The following BRSK2 variants were observed in gnomAD, a reference collection of about 807,000 sequenced individuals.
The protein encoded by BRSK2 is serine/threonine-protein kinase BRSK2.
In BRSK2, 19 loss-of-function variants were observed where a neutral mutation model predicts 83.3. That is an observed-to-expected ratio of 0.23 (90% CI 0.16 to 0.33). The LOEUF (loss-of-function observed/expected upper bound fraction) is 0.33. Among genes scored for constraint, BRSK2 ranks in the 10% least tolerant of loss-of-function variants. BRSK2 has a pLI of 1.00. For synonymous variants in BRSK2, 519 were observed against 435.4 expected, an observed-to-expected ratio of 1.19 and a Z score of -2.39; for missense variants, 798 against 1,042.3, an observed-to-expected ratio of 0.77 and a Z score of 3.23.
At chr11:1,460,389 ATTTGTTTG>A in intron 19 of BRSK2, 103 bp from the exon 20 acceptor site, 1 of 943,708 alleles carries the variant, frequency 1.1e-6, no homozygotes, top group Non-Finnish European at 1.4e-6. Flanking sequence ...CTCTTCGTTC[ATTTGTTTG>A]TTTGTTCTCT....
At chr11:1,419,094 CTG>C (rs920031038) in intron 1 of BRSK2, among the ~76,000 whole-genome samples, 5 of 151,088 alleles carry the variant, frequency 3.3e-5, no homozygotes, top group African/African-American at 1.2e-4. Flanking sequence ...CTTTGCTCAG[CTG>C]TGTTTGTGGG....
In BRSK2 at chr11:1,390,971, A is replaced by G. The variant is rs1845690753; in HGVS notation, c.91+596A>G. ...CGGAGCGTCTGTGACCTGCATTCCC[A>G]CGGGGCAGGGAGAGGCCATTGGTGC... On this transcript the variant is annotated intron_variant, in intron 1 of 19. Transcript: ENST00000528841. The surrounding 1 kb of genome is among the most constrained non-coding windows in gnomAD (Gnocchi z 6.8). Among the ~76,000 whole-genome samples the G allele has an allele frequency of 6.6e-6, 1 of 151,926 alleles. No homozygotes were observed. The highest frequency in any genetic ancestry group is 2.4e-5 in the African/African-American group (1 of 41,368).
intron 19 of BRSK2, 25 bp from the exon 20 acceptor site, chr11:1,460,475 T>C: frequency 7.6e-7 from 1 of 1,307,332 alleles, no homozygotes; most frequent in Non-Finnish European, 9.7e-7. Flanking sequence ...TTTTTTTTTT[T>C]TTTGTCTCTG....
chr11:1,460,615 C>T lies in BRSK2; in HGVS notation c.2103C>T (p.Leu701=), dbSNP rs757747779. The change falls in exon 20 of 20, where the codon CTC becomes CTT. Residue 701 remains leucine (L), a synonymous_variant. Transcript: ENST00000528841. ...CCAAGCGGAGTGCCCACGGCCCACT[C>T]GGTGACTCCGCGGCCGCTGGCCCTG... ...TPAKRSAHGP[L]GDSAAAGPGP... is the part of the protein sequence containing the mutation. 3.9e-5 allele frequency: 60 copies of T among 1,531,522 alleles called. No individual in the cohort carries two copies. Among genetic ancestry groups the T allele is most frequent in the East Asian group, 2.0e-4 (8 of 40,722 alleles). The allele number at this position is 1,531,522 out of a possible 1,614,324, so 94.9% of individuals were successfully genotyped here. A position where few individuals can be genotyped will look rare whatever the true frequency, so the allele number is the denominator to read the frequency against.
intron 1 of BRSK2, among the ~76,000 whole-genome samples, chr11:1,404,848 G>C (rs2334648): frequency 0.15 from 22,907 of 152,192 alleles, 2,267 homozygotes; most frequent in Non-Finnish European, 0.2. Context: ...GGCTCGCCGG[G>C]CTGGGGGCAG....
At chr11:1,445,128 G>A in intron 9 of BRSK2, 126 bp downstream of exon 9, 1 of 1,490,756 alleles carries the variant, frequency 6.7e-7, no homozygotes, top group Non-Finnish European at 9.3e-7. Flanking sequence ...GCCCTCCGTG[G>A]CCTGCGCTGG....
At chr11:1,450,037 G>C (rs1305230120) in intron 13 of BRSK2, among the ~76,000 whole-genome samples, 4 of 152,116 alleles carry the variant, frequency 2.6e-5, no homozygotes, top group Non-Finnish European at 4.4e-5. Flanking sequence ...TGTTTTGTTT[G>C]TTTTCTTGTG....
intron 1 of BRSK2, among the ~76,000 whole-genome samples, chr11:1,418,170 T>G (rs1437442784): frequency 2.0e-4 from 30 of 148,422 alleles, no homozygotes; most frequent in Admixed American, 1.9e-3. Flanking sequence ...TGTTGGCTGT[T>G]TCTTCTCTTG....
intron 1 of BRSK2, among the ~76,000 whole-genome samples, chr11:1,398,303 T>C (rs1425861249): frequency 6.6e-6 from 1 of 152,152 alleles, no homozygotes; most frequent in East Asian, 1.9e-4. Context: ...AGCTGCTGCC[T>C]GAGCTGCCTG....
intron 12 of BRSK2, 139 bp downstream of exon 12, chr11:1,446,046 A>T: frequency 2.1e-6 from 2 of 939,796 alleles, no homozygotes; most frequent in Non-Finnish European, 2.9e-6. Context: ...AACTGGGCTT[A>T]GCTGGGCTGG....
chr11:1,396,609 G>A (rs990366771), intron 1 of BRSK2, among the ~76,000 whole-genome samples: 3 of 152,236 alleles, frequency 2.0e-5, no homozygotes, highest in African/African-American at 7.2e-5. Context: ...CGTCGGGAAG[G>A]CCCCTTTGCC....
At chr11:1,403,507 C>T (rs917688833) in intron 1 of BRSK2, among the ~76,000 whole-genome samples, 5 of 152,230 alleles carry the variant, frequency 3.3e-5, no homozygotes, top group African/African-American at 1.2e-4. Context: ...GCCACGAAAC[C>T]CGCAGGCTCA....
chr11:1,459,656 AG>A (rs1297971779), intron 19 of BRSK2, among the ~76,000 whole-genome samples: 1 of 152,166 alleles, frequency 6.6e-6, no homozygotes, highest in Non-Finnish European at 1.5e-5. Context: ...GGTTAGGCTT[AG>A]GAAGTGGGAT....
Position 1,407,448 on chromosome 11 carries a change from C to T in BRSK2, c.91+17073C>T, listed in dbSNP as rs948429612. The stretch of plus-strand genomic sequence containing the variant: ...CCACAGTGCCACCCGTCTTCCTGCA[C>T]GGGCCTCCCCTCCGAGGCCCTTGTT... On this transcript the variant is annotated intron_variant, in intron 1 of 19. Coordinates refer to ENST00000528841, the MANE Select transcript of BRSK2 (RefSeq NM_001256627.2). Among the ~76,000 whole-genome samples, 13 of 152,260 alleles carry T rather than the reference C, an allele frequency of 8.5e-5. No homozygotes were observed. In the East Asian group the frequency reaches 1.5e-3, roughly 18 times the overall value.
chr11:1,461,095 G>T lies in BRSK2; in HGVS notation c.*372G>T. On this transcript the variant is annotated 3_prime_UTR_variant, in exon 20 of 20. Transcript: ENST00000528841. ...GCCGGGCAGTGAGGCCCAGCCCAGC[G>T]CCCCGTCCACCCCGCGGCAGCTCCT... is the stretch of plus-strand genomic sequence containing the variant. 1 of 1,519,980 alleles carries T rather than the reference G, an allele frequency of 6.6e-7. No homozygotes were observed. The allele number at this position is 1,519,980 out of a possible 1,614,324, so 94.2% of individuals were successfully genotyped here. A position where few individuals can be genotyped will look rare whatever the true frequency, so the allele number is the denominator to read the frequency against.
chr11:1,450,546 C>T (rs760909776), intron 13 of BRSK2, 41 bp from the exon 14 acceptor site: 15 of 1,180,824 alleles, frequency 1.3e-5, no homozygotes, highest in Non-Finnish European at 1.8e-5. Flanking sequence ...CCCCCACCCG[C>T]CGGGATTGAA....
intron 1 of BRSK2, among the ~76,000 whole-genome samples, chr11:1,407,140 G>A (rs1026123989): frequency 2.0e-5 from 3 of 152,174 alleles, no homozygotes; most frequent in Admixed American, 2.0e-4. Flanking sequence ...AGAGCGGAGG[G>A]AGCTGCAGGC....
At chr11:1,451,486 C>G (rs1241464003) in intron 15 of BRSK2, 67 bp downstream of exon 15, 1 of 1,544,786 alleles carries the variant, frequency 6.5e-7, no homozygotes, top group Non-Finnish European at 8.9e-7. Flanking sequence ...GGGCATGGAA[C>G]CCTTCCCCTA....
At chr11:1,422,015 A>G (rs1848678866) in intron 1 of BRSK2, among the ~76,000 whole-genome samples, 1 of 152,012 alleles carries the variant, frequency 6.6e-6, no homozygotes, top group South Asian at 2.1e-4. Context: ...CAGGGGGTCT[A>G]GCCTGAGGTT....
Sources: allele counts gnomAD v4.1 joint callset (sites outside exome capture counted in the v4.1 genomes callset), GRCh38; gene constraint gnomAD v4.1.1; non-coding constraint Gnocchi (gnomAD v3.1); transcripts MANE v1.5; gene names NCBI Gene and HGNC (gene_info 2026-07-23, HGNC 2026-07-21).